ARHGEF28: variants seen among roughly 807,000 people sequenced by gnomAD.
ARHGEF28 encodes the protein Rho guanine nucleotide exchange factor 28.
Under a neutral mutation model 206.6 loss-of-function variants are expected in ARHGEF28, and 152 were observed. That is an observed-to-expected ratio of 0.74 (90% CI 0.64 to 0.84). The LOEUF (loss-of-function observed/expected upper bound fraction) is 0.84. Among genes scored for constraint, ARHGEF28 ranks in the 40% least tolerant of loss-of-function variants. ARHGEF28 has a pLI of 0.00. For missense variants in ARHGEF28, 2,028 were observed against 2,073.2 expected, an observed-to-expected ratio of 0.98 and a Z score of 0.42; for synonymous variants, 763 against 776.4, an observed-to-expected ratio of 0.98 and a Z score of 0.29.
rs886138436 is a variant in ARHGEF28 at position 73,939,570 on chromosome 5, A to T, written c.4949-1274A>T. On this transcript the variant is annotated intron_variant, in intron 35 of 35. Coordinates refer to ENST00000513042, the MANE Select transcript of ARHGEF28 (RefSeq NM_001177693.2). ...CAGCCTTGGTGCAGCTCCTCCAGGG[A>T]CCTTCATCGGCTCCTGTGGCCCTGG... 2.0e-5 allele frequency among the ~76,000 whole-genome samples: 3 copies of T among 152,200 alleles called. No homozygotes were observed. In the East Asian group the frequency reaches 5.8e-4, roughly 29 times the overall value.
At position 73,901,287 on chromosome 5, in the gene ARHGEF28, A is replaced by G. The variant is rs1304306758; in HGVS notation, c.4074+3A>G. On this transcript the variant is annotated splice_donor_region_variant and intron_variant, in intron 31 of 35. Transcript: ENST00000513042. ...CCGTCTCTGATGCAGGGGAGAAGGT[A>G]TTGTGAACTGATTTGTTAGTAAACG... The G allele has an allele frequency of 1.9e-6, 3 of 1,611,090 alleles. No homozygotes were observed.
chr5:73,757,204 T>C (rs1221080910), intron 4 of ARHGEF28, among the ~76,000 whole-genome samples: 1 of 152,186 alleles, frequency 6.6e-6, no homozygotes, highest in Non-Finnish European at 1.5e-5. Context: ...AATAATGATG[T>C]GAAAAATAAA....
At chr5:73,807,385 G>C (rs1364731687) in intron 9 of ARHGEF28, among the ~76,000 whole-genome samples, 2 of 151,998 alleles carry the variant, frequency 1.3e-5, no homozygotes, top group Non-Finnish European at 2.9e-5. Context: ...GCTTCATCAA[G>C]GTTTCCTGTT....
chr5:73,681,509 T>A (rs1747095853), intron 1 of ARHGEF28, among the ~76,000 whole-genome samples: 1 of 152,122 alleles, frequency 6.6e-6, no homozygotes, highest in South Asian at 2.1e-4. Flanking sequence ...GTAAAGTTAG[T>A]TTCATTAAAA....
chr5:73,939,491 C>T (rs1742455537), intron 35 of ARHGEF28, among the ~76,000 whole-genome samples: 2 of 152,316 alleles, frequency 1.3e-5, no homozygotes, highest in Admixed American at 1.3e-4. Context: ...CTCCCTACCT[C>T]TCTTCCTCCC....
At chr5:73,846,633 C>T (rs911150768) in intron 12 of ARHGEF28, among the ~76,000 whole-genome samples, 158 bp downstream of exon 12, 5 of 152,080 alleles carry the variant, frequency 3.3e-5, no homozygotes, top group Non-Finnish European at 5.9e-5. Flanking sequence ...TCTTTTTAAT[C>T]TTTCCCACTC....
chr5:73,752,987 G>A lies in ARHGEF28; in HGVS notation c.260G>A (p.Gly87Asp), dbSNP rs376219724. The A allele has an allele frequency of 4.3e-6, 7 of 1,613,572 alleles. No individual in the cohort carries two copies. In the African/African-American group the frequency reaches 8.0e-5, roughly 18 times the overall value. Residue 87 changes from glycine (G) to aspartate (D), a missense_variant, in exon 4 of 36, where the codon GGC becomes GAC. By Grantham distance (94) the Gly-to-Asp change is moderately conservative. Transcript: ENST00000513042. Reference sequence around the variant, plus strand: ...TACTCTCCGGTGACCATGGGCTCTGGCTCAGTGACCTACGTGGACAACATG... The same window carrying A: ...TACTCTCCGGTGACCATGGGCTCTGACTCAGTGACCTACGTGGACAACATG... ...EGYSPVTMGS[G>D]SVTYVDNMAC...
chr5:73,853,503 A>T (rs539360504), intron 14 of ARHGEF28, among the ~76,000 whole-genome samples: 15 of 152,338 alleles, frequency 9.8e-5, no homozygotes, highest in African/African-American at 3.6e-4. Flanking sequence ...TAAATCCTGG[A>T]ATCAAAGTAT....
chr5:73,835,432 T>G, intron 10 of ARHGEF28, among the ~76,000 whole-genome samples: 2 of 148,316 alleles, frequency 1.3e-5, no homozygotes, highest in Admixed American at 6.8e-5. Context: ...ATTGTGCCAC[T>G]GCACTCCAGC....
intron 2 of ARHGEF28, among the ~76,000 whole-genome samples, chr5:73,720,530 G>A (rs1749877479): frequency 1.3e-5 from 2 of 152,266 alleles, no homozygotes; most frequent in South Asian, 2.1e-4. Context: ...CCAGAGTGTG[G>A]CGGGTTAGAA....
Position 73,767,965 on chromosome 5 carries a change from G to A in ARHGEF28, c.476-5890G>A, listed in dbSNP as rs192595044. Among the ~76,000 whole-genome samples the A allele has an allele frequency of 3.8e-3, 583 of 152,248 alleles. 4 individuals carry two copies. Among genetic ancestry groups the A allele is most frequent in the Non-Finnish European group, 5.2e-3 (353 of 68,026 alleles). Reference sequence around the variant, plus strand: ...GCTTGGCATCCCAGCTGCTCCAGCCGTAGCTGAAAGGAACCAACACAGAAC... The same window carrying A: ...GCTTGGCATCCCAGCTGCTCCAGCCATAGCTGAAAGGAACCAACACAGAAC... On this transcript the variant is annotated intron_variant, in intron 4 of 35. Transcript: ENST00000513042.
At chr5:73,681,055 T>G (rs974132755) in intron 1 of ARHGEF28, among the ~76,000 whole-genome samples, 2 of 150,240 alleles carry the variant, frequency 1.3e-5, no homozygotes, top group African/African-American at 4.9e-5. Flanking sequence ...TTCAGCTATT[T>G]TTTTTTAGCT....
At chr5:73,757,126 T>C (rs1201459946) in intron 4 of ARHGEF28, among the ~76,000 whole-genome samples, 3 of 152,228 alleles carry the variant, frequency 2.0e-5, no homozygotes, top group African/African-American at 4.8e-5. Flanking sequence ...AAACCTCTTA[T>C]GTGCTTATAG....
chr5:73,784,387 G>A (rs928317113), intron 7 of ARHGEF28, among the ~76,000 whole-genome samples: 4 of 152,122 alleles, frequency 2.6e-5, no homozygotes, highest in Non-Finnish European at 5.9e-5. Context: ...TATGATTCTA[G>A]TTGTACTCCC....
chr5:73,847,886 C>T (rs1758462963), intron 12 of ARHGEF28, among the ~76,000 whole-genome samples: 2 of 152,134 alleles, frequency 1.3e-5, no homozygotes, highest in Admixed American at 6.5e-5. Context: ...TAGGTGCTCC[C>T]TAATAAGATA....
chr5:73,906,078 G>T (rs1451023065), intron 33 of ARHGEF28, among the ~76,000 whole-genome samples: 1 of 152,070 alleles, frequency 6.6e-6, no homozygotes, highest in Non-Finnish European at 1.5e-5. Flanking sequence ...TTTAGACTTC[G>T]ACTCTATCAA....
intron 2 of ARHGEF28, among the ~76,000 whole-genome samples, chr5:73,744,156 A>G (rs9637809): frequency 0.75 from 113,730 of 152,052 alleles, 42,771 homozygotes; most frequent in Non-Finnish European, 0.76. Flanking sequence ...TAGATATGTC[A>G]ATATCTGTAT....
intron 35 of ARHGEF28, among the ~76,000 whole-genome samples, chr5:73,928,481 G>T (rs957417914): frequency 8.6e-5 from 13 of 152,036 alleles, no homozygotes; most frequent in African/African-American, 3.1e-4. Flanking sequence ...TAAGAAGTCT[G>T]GTAATAACAT....
chr5:73,895,997 A>G lies in ARHGEF28; in HGVS notation c.3841+1422A>G, dbSNP rs1024898204. ...AACCCCTCATCCATCTGTTTATCAG[A>G]TATCCATTGAGCATCTATCTTGTAC... On this transcript the variant is annotated intron_variant, in intron 29 of 35. Coordinates refer to ENST00000513042, the MANE Select transcript of ARHGEF28 (RefSeq NM_001177693.2). Among the ~76,000 whole-genome samples the G allele has an allele frequency of 6.6e-5, 10 of 152,308 alleles. No individual in the cohort carries two copies. In the East Asian group the frequency reaches 1.9e-3, roughly 29 times the overall value.
Sources: gnomAD v4.1 joint callset for allele counts (sites outside exome capture counted in the v4.1 genomes callset) on GRCh38, gnomAD v4.1.1 for gene constraint, MANE v1.5 for transcripts, NCBI Gene and HGNC (gene_info 2026-07-23, HGNC 2026-07-21) for gene names.